Variants in CCSER1 observed in about 807,000 individuals in gnomAD.
CCSER1 encodes the protein serine-rich coiled-coil domain-containing protein 1.
In CCSER1, 41 loss-of-function variants were observed where a neutral mutation model predicts 82.0. The observed-to-expected ratio is 0.50, with a 90% CI of 0.39 to 0.65. CCSER1 has a LOEUF of 0.65. CCSER1 is among the 30% of genes least tolerant of loss of function. The probability of loss-of-function intolerance (pLI) is 0.00; values close to 1 mark genes in which losing one functional copy is unlikely to be tolerated. For missense variants in CCSER1, 1,119 were observed against 1,064.2 expected (o/e 1.05, Z -0.72); for synonymous variants, 414 against 383.9 (o/e 1.08, Z -0.92).
At chr4:90,407,380 A>G (rs1458653490) in intron 4 of CCSER1, among the ~76,000 whole-genome samples, 2 of 152,190 alleles carry the variant, frequency 1.3e-5, no homozygotes, top group Non-Finnish European at 2.9e-5. Flanking sequence ...TCAACAAAAA[A>G]AGTTTAGGAC....
chr4:90,316,398 C>T (rs974556527), intron 3 of CCSER1, among the ~76,000 whole-genome samples: 2 of 152,158 alleles, frequency 1.3e-5, no homozygotes, highest in Non-Finnish European at 2.9e-5. Flanking sequence ...AGCAATCTAA[C>T]CTTGCTTGCT....
chr4:90,158,977 A>T (rs1394120124), intron 1 of CCSER1, among the ~76,000 whole-genome samples: 1 of 151,908 alleles, frequency 6.6e-6, no homozygotes, highest in Non-Finnish European at 1.5e-5. Flanking sequence ...CTTCACTCAC[A>T]CTGGGAGCTG....
intron 10 of CCSER1, among the ~76,000 whole-genome samples, chr4:91,435,246 C>A (rs1754578645): frequency 6.6e-6 from 1 of 151,994 alleles, no homozygotes; most frequent in Non-Finnish European, 1.5e-5. Context: ...TTGAGACCAG[C>A]GTAGACAAGA....
chr4:91,175,770 A>G (rs1176920942), intron 10 of CCSER1, among the ~76,000 whole-genome samples: 1 of 152,092 alleles, frequency 6.6e-6, no homozygotes, highest in African/African-American at 2.4e-5. Context: ...CCCATTCTGT[A>G]GGTTGCCTAT....
chr4:91,462,781 C>T (rs572961487), intron 10 of CCSER1, among the ~76,000 whole-genome samples: 5 of 152,238 alleles, frequency 3.3e-5, no homozygotes, highest in Admixed American at 1.3e-4. Flanking sequence ...AGTCAGAGAT[C>T]GAACTGCAAG....
At chr4:90,434,099 T>A (rs1272747892) in intron 4 of CCSER1, among the ~76,000 whole-genome samples, 1 of 152,130 alleles carries the variant, frequency 6.6e-6, no homozygotes, top group African/African-American at 2.4e-5. Context: ...TTTTCTCTTT[T>A]GAATTTTATT....
At chr4:91,509,335 C>T (rs967383587) in intron 10 of CCSER1, among the ~76,000 whole-genome samples, 4 of 152,088 alleles carry the variant, frequency 2.6e-5, no homozygotes, top group African/African-American at 9.6e-5. Flanking sequence ...TAATCTCTTC[C>T]ACCAATTGGT....
At chr4:91,193,710 A>G (rs1010305245) in intron 10 of CCSER1, among the ~76,000 whole-genome samples, 2 of 152,176 alleles carry the variant, frequency 1.3e-5, no homozygotes, top group Non-Finnish European at 2.9e-5. Context: ...CTAAGTCCCT[A>G]TTTTAAACTC....
intron 10 of CCSER1, among the ~76,000 whole-genome samples, chr4:91,292,401 A>G (rs895410568): frequency 9.2e-5 from 14 of 152,038 alleles, no homozygotes; most frequent in Non-Finnish European, 1.5e-5. Flanking sequence ...TAAGTTGTCC[A>G]AAATTATGTT....
At chr4:91,311,821 T>C (rs1745503323) in intron 10 of CCSER1, among the ~76,000 whole-genome samples, 1 of 151,860 alleles carries the variant, frequency 6.6e-6, no homozygotes, top group African/African-American at 2.4e-5. Context: ...CACATAGACA[T>C]CTTTTCAATA....
intron 9 of CCSER1, among the ~76,000 whole-genome samples, chr4:90,975,666 T>C (rs1581243817): frequency 1.3e-5 from 2 of 151,382 alleles, no homozygotes; most frequent in East Asian, 3.9e-4. Flanking sequence ...GTTATCATTG[T>C]CATTGTTATT....
rs1312612598 is a variant in CCSER1, at chr4:91,484,079, C to CAGAACA, written c.2218-114492_2218-114491insGAACAA. Among the ~76,000 whole-genome samples, 4 of 139,374 alleles carry CAGAACA rather than the reference C, an allele frequency of 2.9e-5. No homozygotes were observed. The East Asian group carries it at 6.7e-4, about 23-fold the overall frequency. The allele number at this position is 139,374 out of a possible 152,430, so 91.4% of individuals were successfully genotyped here. A position where few individuals can be genotyped will look rare whatever the true frequency, so the allele number is the denominator to read the frequency against. On this transcript the variant is annotated intron_variant, in intron 10 of 10. Transcript: ENST00000509176. ...CTAAAAAAAAAAAAAAAAAGCAAAG[C>CAGAACA]AAAACAAAAAATAGTATACATGATT... is the stretch of plus-strand genomic sequence containing the variant.
At chr4:91,077,394 C>G (rs1338354209) in intron 9 of CCSER1, among the ~76,000 whole-genome samples, 1 of 152,116 alleles carries the variant, frequency 6.6e-6, no homozygotes, top group Non-Finnish European at 1.5e-5. Context: ...TTTATAATAT[C>G]TGGCAACCAA....
intron 10 of CCSER1, among the ~76,000 whole-genome samples, chr4:91,438,015 G>A (rs1225515577): frequency 6.6e-6 from 1 of 152,180 alleles, no homozygotes; most frequent in African/African-American, 2.4e-5. Context: ...AGCTCAAGGA[G>A]GCCTGCCTGC....
intron 8 of CCSER1, among the ~76,000 whole-genome samples, chr4:90,878,636 C>T (rs1272266712): frequency 6.6e-6 from 1 of 152,108 alleles, no homozygotes; most frequent in East Asian, 1.9e-4. Context: ...ACTATAGTTA[C>T]TTTGATCTCA....
intron 10 of CCSER1, among the ~76,000 whole-genome samples, chr4:91,275,304 TTTG>T (rs991882101): frequency 1.8e-5 from 2 of 113,540 alleles, no homozygotes; most frequent in African/African-American, 3.6e-5. Context: ...TCTGTTTTTT[TTTG>T]TTTGTTTTTG....
chr4:90,484,644 C>T (rs1022154632), intron 5 of CCSER1, among the ~76,000 whole-genome samples: 8 of 152,194 alleles, frequency 5.3e-5, no homozygotes, highest in African/African-American at 1.9e-4. Flanking sequence ...CCACTCCAGA[C>T]CCTGTTTGCC....
At chr4:91,036,141 A>G (rs923111196) in intron 9 of CCSER1, among the ~76,000 whole-genome samples, 2 of 152,206 alleles carry the variant, frequency 1.3e-5, no homozygotes, top group Admixed American at 1.3e-4. Context: ...CAGAGATGCT[A>G]AAAGTGCTAC....
Position 91,181,722 on chromosome 4 carries a change from G to C in CCSER1, c.2217+95728G>C, listed in dbSNP as rs554638497. Reference sequence around the variant, plus strand: ...ATAGGAATTGTTGTGCAGCACCTCTGTCTGTTCTGCAATGCGATCTTCCTA... The same window carrying C: ...ATAGGAATTGTTGTGCAGCACCTCTCTCTGTTCTGCAATGCGATCTTCCTA... On this transcript the variant is annotated intron_variant, in intron 10 of 10. Transcript: ENST00000509176. Among the ~76,000 whole-genome samples, 6 of 152,312 alleles carry C rather than the reference G, an allele frequency of 3.9e-5. No homozygotes were observed. In the South Asian group the frequency reaches 1.2e-3, roughly 32 times the overall value.
Sources: allele counts gnomAD v4.1 joint callset (sites outside exome capture counted in the v4.1 genomes callset), GRCh38; gene constraint gnomAD v4.1.1; transcripts MANE v1.5; gene names NCBI Gene and HGNC (gene_info 2026-07-23, HGNC 2026-07-21).